The following FGFR3 variants were observed in gnomAD, a reference collection of about 807,000 sequenced individuals.
FGFR3 encodes fibroblast growth factor receptor 3.
Under a neutral mutation model 82.9 loss-of-function variants are expected in FGFR3, and 25 were observed. The ratio of observed to expected loss-of-function variants is 0.30; its 90% confidence interval spans 0.22 to 0.42. The LOEUF is 0.42. FGFR3 is among the 10% of genes least tolerant of loss of function. The probability of loss-of-function intolerance (pLI) is 1.00; values close to 1 mark genes in which losing one functional copy is unlikely to be tolerated. For missense variants in FGFR3, 1,026 were observed against 1,161.0 expected, an observed-to-expected ratio of 0.88 and a Z score of 1.69; for synonymous variants, 620 against 516.0, an observed-to-expected ratio of 1.20 and a Z score of -2.73.
At position 1,795,915 on chromosome 4, in the gene FGFR3, G is replaced by A. The variant is rs1387669529; in HGVS notation, c.109+1872G>A. Among the ~76,000 whole-genome samples the A allele has an allele frequency of 2.0e-5, 3 of 152,178 alleles. No individual in the cohort carries two copies. In the East Asian group the frequency reaches 5.8e-4, roughly 29 times the overall value. ...TGGGTGGTTCATTAACCTGGGCTGA[G>A]CCTGGCCTCCAGGTCCTTGTGTGAG... On this transcript the variant is annotated intron_variant, in intron 2 of 17. Transcript: ENST00000440486.
chr4:1,793,609 C>A (rs888669345), intron 1 of FGFR3, 144 bp downstream of exon 1: 3 of 149,922 alleles, frequency 2.0e-5, no homozygotes, highest in African/African-American at 7.3e-5. Flanking sequence ...AGTTTGCCGC[C>A]GCCGCCGCCC....
At chr4:1,797,873 G>A (rs1287941742) in intron 2 of FGFR3, among the ~76,000 whole-genome samples, 3 of 152,198 alleles carry the variant, frequency 2.0e-5, no homozygotes, top group African/African-American at 7.2e-5. Flanking sequence ...GGGTTGGGCA[G>A]AAGAGGGCCT....
In FGFR3 at chr4:1,795,141, C is replaced by G. The variant is rs1484536013; in HGVS notation, c.109+1098C>G. On this transcript the variant is annotated intron_variant, in intron 2 of 17. Transcript: ENST00000440486. ...ATTTTTTTTATGAATGAAAGTGGCC[C>G]GGCGCTTGAATGTGCGTGTCATTCA... Among the ~76,000 whole-genome samples the G allele has an allele frequency of 2.6e-5, 4 of 152,028 alleles. No homozygotes were observed. In the East Asian group the frequency reaches 7.8e-4, roughly 30 times the overall value.
rs768338767 is a variant in FGFR3 at position 1,794,002 on chromosome 4, A to G, written c.68A>G (p.Glu23Gly). 2 of 1,399,826 alleles carry G rather than the reference A, an allele frequency of 1.4e-6. No homozygotes were observed. Among genetic ancestry groups the G allele is most frequent in the South Asian group, 1.6e-5 (1 of 60,884 alleles). 86.7% of individuals were successfully genotyped at this position (1,399,826 alleles called of 1,614,324 possible). Residue 23 changes from glutamate (E) to glycine (G), a missense_variant, in exon 2 of 18, where the codon GAG becomes GGG. Glu to Gly is a moderately conservative substitution (Grantham distance 98). Coordinates refer to ENST00000440486, the MANE Select transcript of FGFR3 (RefSeq NM_000142.5). Reference protein sequence around the residue: ...AVAIVAGASSESLGTEQRVVG... With the variant: ...AVAIVAGASSGSLGTEQRVVG... ...GCCATCGTGGCCGGCGCCTCCTCGG[A>G]GTCCTTGGGGACGGAGCAGCGCGTC... is the stretch of plus-strand genomic sequence containing the variant.
In FGFR3 at chr4:1,807,540, CT is replaced by C; in HGVS notation, c.*279del. The C allele has an allele frequency of 1.4e-6, 1 of 713,076 alleles. No homozygotes were observed. Among genetic ancestry groups the C allele is most frequent in the Non-Finnish European group, 2.6e-6 (1 of 388,946 alleles). The allele number at this position is 713,076 out of a possible 1,614,324, so 44.2% of individuals were successfully genotyped here. On this transcript the variant is annotated 3_prime_UTR_variant, in exon 18 of 18. Transcript: ENST00000440486. ...GCTGCAGCACCGAGGGGCCTTTGTT[CT>C]GGGGGGACCCAGTGCAGAATGTAAG...
intron 4 of FGFR3, 74 bp from the exon 5 acceptor site, chr4:1,801,293 C>A: frequency 6.7e-7 from 1 of 1,494,268 alleles, no homozygotes; most frequent in Admixed American, 2.0e-5. Context: ...AGGGGCAGCT[C>A]TGGGAAGGGG....
At chr4:1,796,813 C>A (rs906253353) in intron 2 of FGFR3, among the ~76,000 whole-genome samples, 1 of 152,210 alleles carries the variant, frequency 6.6e-6, no homozygotes, top group African/African-American at 2.4e-5. Flanking sequence ...CTCACTCCTG[C>A]AGCCATTTCA....
intron 2 of FGFR3, among the ~76,000 whole-genome samples, chr4:1,794,977 G>A (rs17886258): frequency 4.0e-5 from 6 of 151,834 alleles, no homozygotes; most frequent in African/African-American, 9.6e-5. Flanking sequence ...CGGCTCGGCG[G>A]CTCGCGGGGA....
chr4:1,804,644 C>T, intron 9 of FGFR3, 124 bp downstream of exon 9: 1 of 1,445,214 alleles, frequency 6.9e-7, no homozygotes, highest in Non-Finnish European at 9.6e-7. Flanking sequence ...CTCCCCTCTC[C>T]TCGTCTCTGC....
chr4:1,795,506 C>T (rs1720397929), intron 2 of FGFR3, among the ~76,000 whole-genome samples: 2 of 151,052 alleles, frequency 1.3e-5, no homozygotes, highest in South Asian at 4.3e-4. Flanking sequence ...AAACTTAATC[C>T]GGTTCCTTAA....
Position 1,807,653 on chromosome 4 carries a change from GGGT to G in FGFR3, c.*394_*396del. 1.6e-6 allele frequency: 1 copy of G among 632,076 alleles called. No homozygotes were observed. Among genetic ancestry groups the G allele is most frequent in the Non-Finnish European group, 3.0e-6 (1 of 331,844 alleles). The allele number at this position is 632,076 out of a possible 1,614,324, so 39.2% of individuals were successfully genotyped here. On this transcript the variant is annotated 3_prime_UTR_variant, in exon 18 of 18. Coordinates refer to ENST00000440486, the MANE Select transcript of FGFR3 (RefSeq NM_000142.5). Reference sequence around the variant, plus strand: ...TGCCTTTGCACCACGGGACATCACAGGGTGGGCCTCGGCCCCTCCCACACCCAA... The same window carrying G: ...TGCCTTTGCACCACGGGACATCACAGGGGCCTCGGCCCCTCCCACACCCAA...
chr4:1,805,754 C>T lies in FGFR3; in HGVS notation c.1650C>T (p.Pro550=), dbSNP rs749387483. The T allele has an allele frequency of 3.1e-6, 5 of 1,612,488 alleles. No homozygotes were observed. The Admixed American group carries it at 5.0e-5, about 16-fold the overall frequency. Residue 550 remains proline (P), a synonymous_variant, in exon 13 of 18, where the codon CCC becomes CCT. Coordinates refer to ENST00000440486, the MANE Select transcript of FGFR3 (RefSeq NM_000142.5). ...NLLGACTQGG[P]LYVLVEYAAK... is the part of the protein sequence containing the mutation. ...CTGAGGAGCCCGTGTCCCCAGGGCCCCTGTACGTGCTGGTGGAGTACGCGG... is the reference window on the plus strand; with the variant it reads ...CTGAGGAGCCCGTGTCCCCAGGGCCTCTGTACGTGCTGGTGGAGTACGCGG...
Position 1,794,023 on chromosome 4 carries a change from G to A in FGFR3, c.89G>A (p.Arg30His), listed in dbSNP as rs756437064. ...ASSESLGTEQ[R>H]VVGRAAEVPG... ...TCGGAGTCCTTGGGGACGGAGCAGC[G>A]CGTCGTGGGGCGAGCGGCAGGTAAG... Residue 30 changes from arginine (R) to histidine (H), a missense_variant, in exon 2 of 18, where the codon CGC becomes CAC. By Grantham distance (29) the Arg-to-His change is conservative (BLOSUM62 0). Coordinates refer to ENST00000440486, the MANE Select transcript of FGFR3 (RefSeq NM_000142.5). 2 of 1,412,316 alleles carry A rather than the reference G, an allele frequency of 1.4e-6. No homozygotes were observed. Among genetic ancestry groups the A allele is most frequent in the Non-Finnish European group, 1.9e-6 (2 of 1,071,052 alleles). 87.5% of individuals were successfully genotyped at this position (1,412,316 alleles called of 1,614,324 possible).
intron 2 of FGFR3, among the ~76,000 whole-genome samples, chr4:1,795,672 G>T (rs1309191861): frequency 6.6e-6 from 1 of 152,202 alleles, no homozygotes; most frequent in African/African-American, 2.4e-5. Flanking sequence ...GGCCACCCCA[G>T]GCCCTGCCAG....
At position 1,808,224 on chromosome 4, in the gene FGFR3, TCCCGC is replaced by T; in HGVS notation, c.*964_*968del. The T allele has an allele frequency of 4.3e-6, 1 of 232,772 alleles. No homozygotes were observed. The highest frequency in any genetic ancestry group is 8.5e-6 in the Non-Finnish European group (1 of 117,696). The allele number at this position is 232,772 out of a possible 1,614,324, so 14.4% of individuals were successfully genotyped here. A position where few individuals can be genotyped will look rare whatever the true frequency, so the allele number is the denominator to read the frequency against. On this transcript the variant is annotated 3_prime_UTR_variant, in exon 18 of 18. Coordinates refer to ENST00000440486, the MANE Select transcript of FGFR3 (RefSeq NM_000142.5). ...ACTTATTGACAACCGAGAAGGTTTA[TCCCGC>T]CGATAGAGGGACGGCCAAGAATGTA...
At chr4:1,803,613 G>C in intron 7 of FGFR3, 79 bp from the exon 8 acceptor site, 1 of 1,562,452 alleles carries the variant, frequency 6.4e-7, no homozygotes, top group Non-Finnish European at 8.7e-7. Context: ...TGCAGCGGCT[G>C]GATCCTGCCG....
chr4:1,805,278 C>T, intron 10 of FGFR3, 77 bp from the exon 11 acceptor site: 2 of 1,593,786 alleles, frequency 1.3e-6, no homozygotes, highest in Non-Finnish European at 1.7e-6. Flanking sequence ...AGGGCTGGGC[C>T]AGGCTGGGGT....
rs2108814105 is a variant in FGFR3 at position 1,806,838 on chromosome 4, C to T, written c.2178C>T (p.Ile726=). The change falls in exon 17 of 18, where the codon ATC becomes ATT. Residue 726 remains isoleucine, a synonymous_variant. Coordinates refer to ENST00000440486, the MANE Select transcript of FGFR3 (RefSeq NM_000142.5). ...AGCGCCCTGCCCGCAGGTACATGAT[C>T]ATGCGGGAGTGCTGGCATGCCGCGC... is the stretch of plus-strand genomic sequence containing the variant. ...PANCTHDLYM[I]MRECWHAAPS... The T allele has an allele frequency of 6.2e-7, 1 of 1,608,018 alleles. No individual in the cohort carries two copies. Among genetic ancestry groups the T allele is most frequent in the Non-Finnish European group, 8.5e-7 (1 of 1,178,094 alleles).
Position 1,798,861 on chromosome 4 carries a change from G to A in FGFR3, c.110-393G>A, listed in dbSNP as rs548968077. Among the ~76,000 whole-genome samples, 21 of 152,322 alleles carry A rather than the reference G, an allele frequency of 1.4e-4. No homozygotes were observed. In the South Asian group the frequency reaches 2.3e-3, roughly 17 times the overall value. On this transcript the variant is annotated intron_variant, in intron 2 of 17. Transcript: ENST00000440486. Reference sequence around the variant, plus strand: ...CGCAGCACCTGCCCGTCGTGGTGCCGCCTGTGAGACAAGCATGGATTTTAT... The same window carrying A: ...CGCAGCACCTGCCCGTCGTGGTGCCACCTGTGAGACAAGCATGGATTTTAT...
Sources: gnomAD v4.1 joint callset for allele counts (sites outside exome capture counted in the v4.1 genomes callset) on GRCh38, gnomAD v4.1.1 for gene constraint, MANE v1.5 for transcripts, NCBI Gene and HGNC (gene_info 2026-07-23, HGNC 2026-07-21) for gene names.